Variants in MRPL38 observed in about 807,000 individuals in gnomAD.
MRPL38 encodes the protein large ribosomal subunit protein mL38.
A neutral mutation model predicts 52.1 loss-of-function variants in MRPL38; 51 were observed. The ratio of observed to expected loss-of-function variants is 0.98; its 90% CI spans 0.78 to 1.24. The LOEUF is 1.24. Among genes scored for constraint, MRPL38 ranks in the 50% most tolerant of loss-of-function variants. The pLI, the probability that MRPL38 is intolerant of heterozygous loss-of-function variation, is 0.00. For missense variants in MRPL38, 527 were observed against 518.6 expected, an observed-to-expected ratio of 1.02 and a Z score of -0.16; for synonymous variants, 245 against 212.7, an observed-to-expected ratio of 1.15 and a Z score of -1.32.
Position 75,901,997 on chromosome 17 carries a change from G to T in MRPL38, c.382+23C>A. 5 of 1,612,860 alleles carry T rather than the reference G, an allele frequency of 3.1e-6. No homozygotes were observed. The highest frequency in any genetic ancestry group is 4.2e-6 in the Non-Finnish European group (5 of 1,179,120). On this transcript the variant is annotated intron_variant, in intron 3 of 8. Coordinates refer to ENST00000309352, the MANE Select transcript of MRPL38 (RefSeq NM_032478.4). This position sits in a 1 kb window ranked among gnomAD's most constrained non-coding sequence, Gnocchi z 5.7. ...CACCCTGTACCCCAACTCTGGGATG[G>T]CCCCTCCCCTGAGAAGGCTTACCTG...
At chr17:75,902,491 C>T (rs1221814407) in intron 2 of MRPL38, among the ~76,000 whole-genome samples, 1 of 152,218 alleles carries the variant, frequency 6.6e-6, no homozygotes, top group Non-Finnish European at 1.5e-5. Flanking sequence ...AAGTGATCCT[C>T]CTGCCTCAGC....
In MRPL38 at chr17:75,898,681, C is replaced by A; in HGVS notation, c.*169G>T. 1 of 716,050 alleles carries A rather than the reference C, an allele frequency of 1.4e-6. No individual in the cohort carries two copies. The highest frequency in any genetic ancestry group is 2.3e-6 in the Non-Finnish European group (1 of 440,548). 44.4% of individuals were successfully genotyped at this position (716,050 alleles called of 1,614,324 possible). Reference sequence around the variant, plus strand: ...TCATGTTTATTCACATTCCCCACCCCACCACCTGAGAGTCACTTTCACTCC... The same window carrying A: ...TCATGTTTATTCACATTCCCCACCCAACCACCTGAGAGTCACTTTCACTCC... On this transcript the variant is annotated 3_prime_UTR_variant, in exon 9 of 9. Coordinates refer to ENST00000309352, the MANE Select transcript of MRPL38 (RefSeq NM_032478.4).
In MRPL38 at chr17:75,904,325, G is replaced by A. The variant is rs372030030; in HGVS notation, c.247+215C>T. The A allele has an allele frequency of 7.0e-5, 50 of 711,016 alleles. 2 individuals carry two copies. The South Asian group carries it at 7.5e-4, about 11-fold the overall frequency. The allele number at this position is 711,016 out of a possible 1,614,324, so 44.0% of individuals were successfully genotyped here. A position where few individuals can be genotyped will look rare whatever the true frequency, so the allele number is the denominator to read the frequency against. Reference sequence around the variant, plus strand: ...TAGGAGCTGGAACTCTAATAGTAGGGGGAGCGAATTTTCCAAGAATGAGGT... The same window carrying A: ...TAGGAGCTGGAACTCTAATAGTAGGAGGAGCGAATTTTCCAAGAATGAGGT... On this transcript the variant is annotated intron_variant, in intron 2 of 8. Coordinates refer to ENST00000309352, the MANE Select transcript of MRPL38 (RefSeq NM_032478.4).
At position 75,904,724 on chromosome 17, in the gene MRPL38, G is replaced by T. The variant is rs1343449867; in HGVS notation, c.68-5C>A. On this transcript the variant is annotated splice_region_variant and splice_polypyrimidine_tract_variant and intron_variant, in intron 1 of 8. Coordinates refer to ENST00000309352, the MANE Select transcript of MRPL38 (RefSeq NM_032478.4). ...GTGTCCGGCGGCCCAGGACGGCTGC[G>T]GGCAGAGAGAAGACGTAAGGCCGGC... is the stretch of plus-strand genomic sequence containing the variant. The T allele has an allele frequency of 1.3e-6, 2 of 1,570,302 alleles. No individual in the cohort carries two copies. The highest frequency in any genetic ancestry group is 2.3e-5 in the East Asian group (1 of 43,128).
Position 75,898,823 on chromosome 17 carries a change from GCT to G in MRPL38, c.*25_*26del. 2.5e-6 allele frequency: 4 copies of G among 1,610,720 alleles called. No homozygotes were observed. Among genetic ancestry groups the G allele is most frequent in the Non-Finnish European group, 3.4e-6 (4 of 1,179,044 alleles). On this transcript the variant is annotated 3_prime_UTR_variant, in exon 9 of 9. Coordinates refer to ENST00000309352, the MANE Select transcript of MRPL38 (RefSeq NM_032478.4). ...TACTCTTGCTGCCGATCAATCCCAT[GCT>G]CTGAAATGCGCACACTCTGGCTCCT...
At position 75,901,422 on chromosome 17, in the gene MRPL38, G is replaced by T; in HGVS notation, c.592-149C>A. The T allele has an allele frequency of 3.8e-6, 3 of 797,732 alleles. No homozygotes were observed. The highest frequency in any genetic ancestry group is 6.1e-6 in the Non-Finnish European group (3 of 488,634). The allele number at this position is 797,732 out of a possible 1,614,324, so 49.4% of individuals were successfully genotyped here. ...AGGCAAAGGGATGCGTAGAGAAGCAGCCCTGCAGAGTTGCCTGTCCAGGCA... is the reference window on the plus strand; with the variant it reads ...AGGCAAAGGGATGCGTAGAGAAGCATCCCTGCAGAGTTGCCTGTCCAGGCA... On this transcript the variant is annotated intron_variant, in intron 4 of 8. Coordinates refer to ENST00000309352, the MANE Select transcript of MRPL38 (RefSeq NM_032478.4). The surrounding 1 kb of genome is among the most constrained non-coding windows in gnomAD (Gnocchi z 5.7).
intron 2 of MRPL38, 116 bp downstream of exon 2, chr17:75,904,424 G>A: frequency 8.7e-7 from 1 of 1,145,766 alleles, no homozygotes; most frequent in Non-Finnish European, 1.3e-6. Context: ...GGCCCTCCCA[G>A]CGTCCCCAGC....
chr17:75,904,782 CCCCCCG>C, intron 1 of MRPL38, 21 bp downstream of exon 1: 1 of 1,127,248 alleles, frequency 8.9e-7, no homozygotes, highest in South Asian at 1.7e-5. Context: ...CCCCCCCCCC[CCCCCCG>C]CAGAGCTGCC....
rs748767300 is a variant in MRPL38 at position 75,904,705 on chromosome 17, G to A, written c.82C>T (p.Arg28Trp). 14 of 1,588,902 alleles carry A rather than the reference G, an allele frequency of 8.8e-6. No homozygotes were observed. Among genetic ancestry groups the A allele is most frequent in the Admixed American group, 1.7e-5 (1 of 58,278 alleles). Residue 28 changes from arginine (R) to tryptophan (W), a missense_variant, in exon 2 of 9, where the codon CGG becomes TGG. Transcript: ENST00000309352. ...GFSTSAVLGR[R>W]TPPLGPMPNS... is the part of the protein sequence containing the mutation. ...GGCATCGGCCCCAGCGGGGGTGTCC[G>A]GCGGCCCAGGACGGCTGCGGGCAGA...
chr17:75,898,975 G>A lies in MRPL38; in HGVS notation c.1018C>T (p.Pro340Ser), dbSNP rs2065390805. The stretch of plus-strand genomic sequence containing the variant: ...GGCGGCCGCACGAACTCAAACACCG[G>A]CTCCCGCATGTCTGCAAGAAGAGTG... ...IFHQLLDMRE[P>S]VFEFVRPPPY... Residue 340 changes from proline (P) to serine (S), a missense_variant, in exon 9 of 9, where the codon CCG becomes TCG. Coordinates refer to ENST00000309352, the MANE Select transcript of MRPL38 (RefSeq NM_032478.4). 3 of 1,598,000 alleles carry A rather than the reference G, an allele frequency of 1.9e-6. No individual in the cohort carries two copies. In the South Asian group the frequency reaches 3.3e-5, roughly 18 times the overall value.
At position 75,901,123 on chromosome 17, in the gene MRPL38, C is replaced by T; in HGVS notation, c.664+78G>A. The T allele has an allele frequency of 1.3e-6, 2 of 1,596,662 alleles. No individual in the cohort carries two copies. On this transcript the variant is annotated intron_variant, in intron 5 of 8. Coordinates refer to ENST00000309352, the MANE Select transcript of MRPL38 (RefSeq NM_032478.4). This position sits in a 1 kb window ranked among gnomAD's most constrained non-coding sequence, Gnocchi z 5.7. ...GCCAGCGCTGGAGATCTCCACCTGG[C>T]CCCTCCCCCAGCCCCCCAGGGCCCT... is the stretch of plus-strand genomic sequence containing the variant.
intron 2 of MRPL38, among the ~76,000 whole-genome samples, chr17:75,903,768 C>A (rs1210211617): frequency 6.6e-6 from 1 of 151,658 alleles, no homozygotes; most frequent in Non-Finnish European, 1.5e-5. Context: ...TCTTGTTGCC[C>A]AGGCTGGTGT....
intron 2 of MRPL38, 166 bp from the exon 3 acceptor site, chr17:75,902,320 T>A: frequency 1.4e-6 from 1 of 739,022 alleles, no homozygotes; most frequent in Non-Finnish European, 2.2e-6. Context: ...CCCAGGCTGG[T>A]ATGAACTCTT....
At position 75,904,836 on chromosome 17, in the gene MRPL38, G is replaced by A; in HGVS notation, c.40C>T (p.Arg14Trp). 7.3e-7 allele frequency: 1 copy of A among 1,373,244 alleles called. No individual in the cohort carries two copies. Among genetic ancestry groups the A allele is most frequent in the Non-Finnish European group, 9.4e-7 (1 of 1,061,394 alleles). The allele number at this position is 1,373,244 out of a possible 1,614,324, so 85.1% of individuals were successfully genotyped here. A position where few individuals can be genotyped will look rare whatever the true frequency, so the allele number is the denominator to read the frequency against. The change falls in exon 1 of 9, where the codon CGG becomes TGG. Residue 14 changes from arginine to tryptophan, a missense_variant. By Grantham distance (101) the Arg-to-Trp change is moderately radical (BLOSUM62 -3). Coordinates refer to ENST00000309352, the MANE Select transcript of MRPL38 (RefSeq NM_032478.4). ...GAGGTGCTGAAGCCCCGCCATCTCC[G>A]ACACTCGCACAGCGCGGCTCGCCAC... ...PWWRAALCEC[R>W]RWRGFSTSAV... is the part of the protein sequence containing the mutation.
Position 75,904,694 on chromosome 17 carries a change from C to T in MRPL38, c.93G>A (p.Pro31=). The T allele has an allele frequency of 6.5e-7, 1 of 1,542,016 alleles. No individual in the cohort carries two copies. Among genetic ancestry groups the T allele is most frequent in the Non-Finnish European group, 8.7e-7 (1 of 1,147,834 alleles). Residue 31 remains proline (P), a synonymous_variant, in exon 2 of 9, where the codon CCG becomes CCA. Coordinates refer to ENST00000309352, the MANE Select transcript of MRPL38 (RefSeq NM_032478.4). Reference sequence around the variant, plus strand: ...TGTCACTGTTGGGCATCGGCCCCAGCGGGGGTGTCCGGCGGCCCAGGACGG... The same window carrying T: ...TGTCACTGTTGGGCATCGGCCCCAGTGGGGGTGTCCGGCGGCCCAGGACGG... ...TSAVLGRRTP[P]LGPMPNSDID...
intron 6 of MRPL38, 192 bp downstream of exon 6, chr17:75,900,790 C>CT: frequency 7.2e-7 from 1 of 1,397,716 alleles, no homozygotes. Context: ...CTACTGCAAA[C>CT]TTTGTCTCCT....
At position 75,901,525 on chromosome 17, in the gene MRPL38, G is replaced by A; in HGVS notation, c.591+187C>T. On this transcript the variant is annotated intron_variant, in intron 4 of 8. Coordinates refer to ENST00000309352, the MANE Select transcript of MRPL38 (RefSeq NM_032478.4). The surrounding 1 kb of genome is among the most constrained non-coding windows in gnomAD (Gnocchi z 5.7). Reference sequence around the variant, plus strand: ...GACAGCAGGCTGGTCACAGGAATGTGCTAAGACAGAGCCTCTTTTTCCTTC... The same window carrying A: ...GACAGCAGGCTGGTCACAGGAATGTACTAAGACAGAGCCTCTTTTTCCTTC... 1.5e-6 allele frequency: 1 copy of A among 673,032 alleles called. No individual in the cohort carries two copies. Among genetic ancestry groups the A allele is most frequent in the Non-Finnish European group, 2.6e-6 (1 of 388,530 alleles). 41.7% of individuals were successfully genotyped at this position (673,032 alleles called of 1,614,324 possible).
In MRPL38 at chr17:75,904,695, G is replaced by A. The variant is rs550202402; in HGVS notation, c.92C>T (p.Pro31Leu). The change falls in exon 2 of 9, where the codon CCG becomes CTG. Residue 31 changes from proline (P) to leucine (L), a missense_variant. Pro to Leu is a moderately conservative substitution (Grantham distance 98). Transcript: ENST00000309352. ...GTCACTGTTGGGCATCGGCCCCAGCGGGGGTGTCCGGCGGCCCAGGACGGC... is the reference window on the plus strand; with the variant it reads ...GTCACTGTTGGGCATCGGCCCCAGCAGGGGTGTCCGGCGGCCCAGGACGGC... ...TSAVLGRRTP[P>L]LGPMPNSDID... 4.4e-6 allele frequency: 7 copies of A among 1,593,314 alleles called. No individual in the cohort carries two copies. In the African/African-American group the frequency reaches 5.4e-5, roughly 12 times the overall value.
chr17:75,899,353 C>T (rs1330952325), intron 7 of MRPL38, 59 bp from the exon 8 acceptor site: 28 of 1,580,898 alleles, frequency 1.8e-5, no homozygotes, highest in Non-Finnish European at 2.3e-5. Context: ...CCCCTCACCC[C>T]GCCACCCCAA....
Sources: gnomAD v4.1 joint callset for allele counts (sites outside exome capture counted in the v4.1 genomes callset) on GRCh38, gnomAD v4.1.1 for gene constraint, Gnocchi (gnomAD v3.1) non-coding constraint, MANE v1.5 for transcripts, NCBI Gene and HGNC (gene_info 2026-07-23, HGNC 2026-07-21) for gene names.